The following PPP2R3A variants were observed in gnomAD, a reference collection of about 807,000 sequenced individuals.
PPP2R3A encodes protein phosphatase 2 regulatory subunit B''alpha.
A neutral mutation model predicts 106.9 loss-of-function variants in PPP2R3A; 80 were observed. The ratio of observed to expected loss-of-function variants is 0.75; its 90% CI spans 0.62 to 0.90. The LOEUF (loss-of-function observed/expected upper bound fraction) is 0.90, where lower values mean the gene tolerates loss of function less well. PPP2R3A is among the 40% of genes least tolerant of loss of function. The pLI is 0.00. For synonymous variants in PPP2R3A, 483 were observed against 468.3 expected (o/e 1.03, Z -0.41); for missense variants, 1,386 against 1,350.4 (o/e 1.03, Z -0.41).
chr3:136,100,079 A>G (rs947731517), intron 10 of PPP2R3A, among the ~76,000 whole-genome samples: 2 of 152,148 alleles, frequency 1.3e-5, no homozygotes, highest in African/African-American at 2.4e-5. Flanking sequence ...ATTTCAAACT[A>G]CTAAGGACTC....
rs569139525 is a variant in PPP2R3A at position 136,082,455 on chromosome 3, T to A, written c.2788+34T>A. 2.3e-5 allele frequency: 36 copies of A among 1,590,048 alleles called. No homozygotes were observed. The African/African-American group carries it at 4.7e-4, about 21-fold the overall frequency. On this transcript the variant is annotated intron_variant, in intron 8 of 13. Transcript: ENST00000264977. ...TTCTGTAGATGCTAAGACTTAACCA[T>A]TTTAAAGAGTTATATAAATTATCAC... is the stretch of plus-strand genomic sequence containing the variant.
chr3:136,003,647 A>C (rs1193849443), intron 2 of PPP2R3A, among the ~76,000 whole-genome samples, 154 bp downstream of exon 2: 4 of 152,116 alleles, frequency 2.6e-5, no homozygotes, highest in African/African-American at 9.7e-5. Flanking sequence ...GAGTCAGTAA[A>C]AAGCAAAGAT....
intron 5 of PPP2R3A, among the ~76,000 whole-genome samples, chr3:136,068,776 G>T: frequency 6.6e-6 from 1 of 150,718 alleles, no homozygotes; most frequent in Admixed American, 6.6e-5. Context: ...CAACTTTACA[G>T]TGGAGAACGC....
chr3:136,002,805 G>A lies in PPP2R3A; in HGVS notation c.1307G>A (p.Gly436Glu). Residue 436 changes from glycine to glutamate, a missense_variant, in exon 2 of 14, where the codon GGA (glycine) becomes GAA (glutamate). By Grantham distance (98) the Gly-to-Glu change is moderately conservative (BLOSUM62 -2). Coordinates refer to ENST00000264977, the MANE Select transcript of PPP2R3A (RefSeq NM_002718.5). ...ALDKGQKTEN[G>E]PSHELLKVNE... ...GATAAAGGACAAAAGACAGAGAATG[G>A]ACCTAGTCATGAGTTATTAAAGGTA... 1 of 1,613,856 alleles carries A rather than the reference G, an allele frequency of 6.2e-7. No homozygotes were observed. The highest frequency in any genetic ancestry group is 8.5e-7 in the Non-Finnish European group (1 of 1,179,812).
intron 10 of PPP2R3A, among the ~76,000 whole-genome samples, chr3:136,099,233 CA>C (rs919227804): frequency 3.3e-5 from 5 of 152,090 alleles, no homozygotes; most frequent in Admixed American, 3.3e-4. Context: ...CCAGAGTCAA[CA>C]AACCCACAGA....
At chr3:136,059,553 AT>A (rs1263617427) in intron 5 of PPP2R3A, among the ~76,000 whole-genome samples, 3 of 152,156 alleles carry the variant, frequency 2.0e-5, no homozygotes, top group Admixed American at 2.0e-4. Context: ...TTCAATCATT[AT>A]GGAAGACAGT....
intron 2 of PPP2R3A, among the ~76,000 whole-genome samples, chr3:136,005,356 T>A (rs1381430028): frequency 6.6e-6 from 1 of 152,176 alleles, no homozygotes; most frequent in Non-Finnish European, 1.5e-5. Context: ...GAATAAGGGA[T>A]ACTCAGTCTG....
chr3:136,111,836 C>A (rs1937596313), intron 13 of PPP2R3A, among the ~76,000 whole-genome samples: 1 of 151,874 alleles, frequency 6.6e-6, no homozygotes, highest in African/African-American at 2.4e-5. Flanking sequence ...ACCTGGCAGA[C>A]ACAATAAAAA....
chr3:135,970,517 A>G (rs1288456414), intron 1 of PPP2R3A, among the ~76,000 whole-genome samples: 1 of 152,228 alleles, frequency 6.6e-6, no homozygotes, highest in Admixed American at 6.5e-5. Context: ...AATGTTTCAA[A>G]TAGAGAGGTG....
At chr3:136,090,770 A>G in intron 10 of PPP2R3A, 103 bp downstream of exon 10, 2 of 834,464 alleles carry the variant, frequency 2.4e-6, no homozygotes, top group Non-Finnish European at 1.9e-6. Flanking sequence ...CAACGTGGCA[A>G]TACTAAGATG....
chr3:136,028,827 T>C (rs1934757433), intron 3 of PPP2R3A, among the ~76,000 whole-genome samples: 2 of 152,018 alleles, frequency 1.3e-5, no homozygotes, highest in Admixed American at 6.6e-5. Context: ...AGGGTTGTTG[T>C]TGTTGTTTTT....
rs1449371068 is a variant in PPP2R3A at position 136,002,397 on chromosome 3, G to A, written c.899G>A (p.Gly300Glu). Residue 300 changes from glycine to glutamate, a missense_variant, in exon 2 of 14, where the codon GGG becomes GAG. By Grantham distance (98) the Gly-to-Glu change is moderately conservative (BLOSUM62 -2). Transcript: ENST00000264977. ...KKLPFEFMQS[G>E]NNEALDLTEL... ...TTACCATTTGAATTCATGCAGTCTG[G>A]GAATAATGAGGCTCTAGATTTAACA... 1.2e-6 allele frequency: 2 copies of A among 1,613,880 alleles called. No individual in the cohort carries two copies.
At chr3:136,037,844 T>G (rs1410763154) in intron 3 of PPP2R3A, among the ~76,000 whole-genome samples, 1 of 152,160 alleles carries the variant, frequency 6.6e-6, no homozygotes, top group Non-Finnish European at 1.5e-5. Context: ...GAACTTTGAT[T>G]ACCATATATT....
At chr3:136,123,804 T>C (rs1434789387) in intron 13 of PPP2R3A, among the ~76,000 whole-genome samples, 3 of 152,192 alleles carry the variant, frequency 2.0e-5, no homozygotes, top group Non-Finnish European at 4.4e-5. Flanking sequence ...ACAATTACAG[T>C]TGGAGATTTC....
intron 13 of PPP2R3A, among the ~76,000 whole-genome samples, chr3:136,136,579 T>A (rs1261785079): frequency 6.6e-6 from 1 of 152,174 alleles, no homozygotes; most frequent in African/African-American, 2.4e-5. Flanking sequence ...CATTAGATTG[T>A]GAGCTCCTCA....
chr3:136,041,279 A>G (rs1354213741), intron 4 of PPP2R3A, among the ~76,000 whole-genome samples: 21 of 64,674 alleles, frequency 3.2e-4, no homozygotes, highest in Non-Finnish European at 3.2e-4. Context: ...TTTTTTTGAG[A>G]CAGAATGTCA....
At chr3:136,125,777 A>C (rs772550407) in intron 13 of PPP2R3A, among the ~76,000 whole-genome samples, 3 of 152,222 alleles carry the variant, frequency 2.0e-5, no homozygotes, top group Non-Finnish European at 4.4e-5. Flanking sequence ...TGACATAAAA[A>C]AGATTATATA....
At chr3:135,985,479 C>T (rs1165255843) in intron 1 of PPP2R3A, among the ~76,000 whole-genome samples, 3 of 151,946 alleles carry the variant, frequency 2.0e-5, no homozygotes, top group Non-Finnish European at 2.9e-5. Flanking sequence ...GGAATACAAG[C>T]CCAAGATTAG....
At chr3:136,079,191 T>A (rs1182319453) in intron 7 of PPP2R3A, 1 of 455,400 alleles carries the variant, frequency 2.2e-6, no homozygotes, top group Admixed American at 2.4e-5. Flanking sequence ...ATGATGGATA[T>A]ACAAACATTT....
Sources: allele counts gnomAD v4.1 joint callset (sites outside exome capture counted in the v4.1 genomes callset), GRCh38; gene constraint gnomAD v4.1.1; transcripts MANE v1.5; gene names NCBI Gene and HGNC (gene_info 2026-07-23, HGNC 2026-07-21).